Variants in MED12L observed in about 807,000 individuals in gnomAD.
MED12L encodes mediator complex subunit 12L, also known as mediator of RNA polymerase II transcription subunit 12-like protein.
In MED12L, 60 loss-of-function variants were observed where a neutral mutation model predicts 281.3. That is an observed-to-expected ratio of 0.21 (90% CI 0.17 to 0.26). The LOEUF is 0.26. MED12L is among the 10% of genes least tolerant of loss of function. The probability of loss-of-function intolerance (pLI) is 1.00; values close to 1 mark genes in which losing one functional copy is unlikely to be tolerated. For missense variants in MED12L, 2,146 were observed against 2,680.9 expected (o/e 0.80, Z 4.41); for synonymous variants, 974 against 987.2 (o/e 0.99, Z 0.25).
chr3:151,130,035 C>T (rs1715144962), intron 5 of MED12L, among the ~76,000 whole-genome samples: 1 of 151,924 alleles, frequency 6.6e-6, no homozygotes, highest in Non-Finnish European at 1.5e-5. Context: ...ACCCAGAGTA[C>T]TGGGATTACA....
intron 10 of MED12L, 101 bp from the exon 11 acceptor site, chr3:151,165,743 TAA>T: frequency 7.9e-7 from 1 of 1,260,456 alleles, no homozygotes; most frequent in Non-Finnish European, 1.1e-6. Context: ...GAATGATAAT[TAA>T]AAAAAAATTC....
chr3:151,327,921 G>T, intron 16 of MED12L: 2 of 1,127,558 alleles, frequency 1.8e-6, no homozygotes, highest in East Asian at 2.5e-5. Flanking sequence ...TTTTTTCTTG[G>T]TTAAATTTGA....
intron 2 of MED12L, among the ~76,000 whole-genome samples, chr3:151,092,155 G>A (rs1376088523): frequency 6.6e-6 from 1 of 152,188 alleles, no homozygotes; most frequent in African/African-American, 2.4e-5. Flanking sequence ...TAGCTTCTTT[G>A]TGTATAGGTT....
At chr3:151,162,507 C>G (rs1171767705) in intron 8 of MED12L, among the ~76,000 whole-genome samples, 1 of 152,006 alleles carries the variant, frequency 6.6e-6, no homozygotes, top group African/African-American at 2.4e-5. Flanking sequence ...GCCTGGAGCT[C>G]CTGGGCTCAA....
In MED12L at chr3:151,389,996, C is replaced by T. The variant is rs1713980625; in HGVS notation, c.5469C>T (p.Asn1823=). 6.2e-7 allele frequency: 1 copy of T among 1,613,974 alleles called. No individual in the cohort carries two copies. The highest frequency in any genetic ancestry group is 1.7e-5 in the Admixed American group (1 of 60,000). Reference sequence around the variant, plus strand: ...TGTTGAAGGAATATCCACAGAGCAACATATACCGAGTGCCTCCTAATTACT... The same window carrying T: ...TGTTGAAGGAATATCCACAGAGCAATATATACCGAGTGCCTCCTAATTACT... The part of the protein sequence containing the change: ...SSRVDEYPQS[N]IYRVPPNYSP... The change falls in exon 38 of 45, where the codon AAC becomes AAT. Residue 1823 remains asparagine, a synonymous_variant. Transcript: ENST00000687756.
At chr3:151,236,655 C>T (rs1050178115) in intron 16 of MED12L, among the ~76,000 whole-genome samples, 3 of 152,098 alleles carry the variant, frequency 2.0e-5, no homozygotes, top group African/African-American at 7.2e-5. Context: ...ATTTTTGTAA[C>T]ATCTATATGT....
chr3:151,421,106 G>A (rs1444813683), intron 43 of MED12L, among the ~76,000 whole-genome samples: 1 of 152,144 alleles, frequency 6.6e-6, no homozygotes, highest in African/African-American at 2.4e-5. Flanking sequence ...CCACGTTGCT[G>A]AGCCTGTGCG....
At chr3:151,321,930 T>C (rs962688280) in intron 16 of MED12L, among the ~76,000 whole-genome samples, 2 of 152,106 alleles carry the variant, frequency 1.3e-5, no homozygotes. Flanking sequence ...AAGGACTTCA[T>C]ATTAGAATGA....
chr3:151,188,298 G>T, intron 12 of MED12L, 56 bp from the exon 13 acceptor site: 1 of 1,370,046 alleles, frequency 7.3e-7, no homozygotes, highest in Non-Finnish European at 1.0e-6. Flanking sequence ...ACAAATTCAT[G>T]ATCTGTTATG....
chr3:151,266,633 A>G (rs2149525203), intron 16 of MED12L, among the ~76,000 whole-genome samples: 1 of 152,282 alleles, frequency 6.6e-6, no homozygotes, highest in Middle Eastern at 3.4e-3. Flanking sequence ...GAAGATTTTA[A>G]GTAAATGAAG....
intron 43 of MED12L, among the ~76,000 whole-genome samples, chr3:151,417,523 C>T (rs561927208): frequency 5.9e-4 from 70 of 118,486 alleles, no homozygotes; most frequent in African/African-American, 1.7e-3. Flanking sequence ...GAATCTCACT[C>T]GATCACTCAA....
intron 31 of MED12L, 143 bp from the exon 32 acceptor site, chr3:151,379,970 G>T (rs1046252989): frequency 7.3e-6 from 4 of 551,310 alleles, no homozygotes; most frequent in African/African-American, 3.9e-5. Context: ...ATAAGTAGAG[G>T]TATGATTTAA....
intron 12 of MED12L, 26 bp downstream of exon 12, chr3:151,185,487 T>C (rs1315562937): frequency 1.2e-6 from 2 of 1,612,642 alleles, no homozygotes; most frequent in African/African-American, 2.7e-5. Context: ...TTTCTGCTTG[T>C]TGAATGCCGT....
At chr3:151,276,658 G>A (rs1741905952) in intron 16 of MED12L, among the ~76,000 whole-genome samples, 1 of 152,200 alleles carries the variant, frequency 6.6e-6, no homozygotes, top group Non-Finnish European at 1.5e-5. Flanking sequence ...TCACTCAGAA[G>A]CACTTTATAG....
rs1488055236 is a variant in MED12L at position 151,127,808 on chromosome 3, A to G, written c.397-17A>G. ...AGTACGTGATTATTATAAATATACTATGTTGTTTCTTTTTAGGTTCCTATC... is the reference window on the plus strand; with the variant it reads ...AGTACGTGATTATTATAAATATACTGTGTTGTTTCTTTTTAGGTTCCTATC... On this transcript the variant is annotated splice_polypyrimidine_tract_variant and intron_variant, in intron 4 of 44. Coordinates refer to ENST00000687756, the MANE Select transcript of MED12L (RefSeq NM_001393769.1). The G allele has an allele frequency of 1.8e-5, 27 of 1,523,340 alleles. No homozygotes were observed. The highest frequency in any genetic ancestry group is 2.4e-5 in the Non-Finnish European group (26 of 1,100,824). The allele number at this position is 1,523,340 out of a possible 1,614,324, so 94.4% of individuals were successfully genotyped here. A position where few individuals can be genotyped will look rare whatever the true frequency, so the allele number is the denominator to read the frequency against.
At chr3:151,214,451 A>C in intron 16 of MED12L, 2 of 680,182 alleles carry the variant, frequency 2.9e-6, no homozygotes, top group Admixed American at 2.8e-5. Flanking sequence ...AAATTTTTGA[A>C]GCCACCTTTT....
At chr3:151,396,179 A>G (rs1714941556) in intron 39 of MED12L, among the ~76,000 whole-genome samples, 1 of 150,276 alleles carries the variant, frequency 6.7e-6, no homozygotes, top group Admixed American at 6.7e-5. Context: ...CAACATGTTT[A>G]GAGCCATTTA....
chr3:151,275,533 C>G (rs1158932447), intron 16 of MED12L, among the ~76,000 whole-genome samples: 1 of 151,996 alleles, frequency 6.6e-6, no homozygotes, highest in African/African-American at 2.4e-5. Context: ...AGCATATGAC[C>G]AGTATTTCAC....
At chr3:151,412,482 A>G (rs182314322) in intron 41 of MED12L, among the ~76,000 whole-genome samples, 244 of 152,346 alleles carry the variant, frequency 1.6e-3, no homozygotes, top group Non-Finnish European at 2.1e-3. Flanking sequence ...TCTAGTGGAT[A>G]GCAGCACAGC....
Sources: gnomAD v4.1 joint callset for allele counts (sites outside exome capture counted in the v4.1 genomes callset) on GRCh38, gnomAD v4.1.1 for gene constraint, MANE v1.5 for transcripts, NCBI Gene and HGNC (gene_info 2026-07-23, HGNC 2026-07-21) for gene names.